Variants in NAV3 observed in about 807,000 individuals in gnomAD.
NAV3 encodes the protein neuron navigator 3.
In NAV3, 87 loss-of-function variants were observed where a neutral mutation model predicts 244.7. The ratio of observed to expected loss-of-function variants is 0.36; its 90% CI spans 0.30 to 0.42. The LOEUF (loss-of-function observed/expected upper bound fraction) is 0.42, where lower values mean the gene tolerates loss of function less well. Ranked by LOEUF, NAV3 falls within the 20% of genes least tolerant of loss-of-function variation. The probability of loss-of-function intolerance (pLI) is 1.00; values close to 1 mark genes in which losing one functional copy is unlikely to be tolerated. For synonymous variants in NAV3, 1,126 were observed against 1,042.2 expected (o/e 1.08, Z -1.55); for missense variants, 2,663 against 2,893.3 (o/e 0.92, Z 1.83).
chr12:77,650,071 C>A (rs184382263), intron 2 of NAV3, among the ~76,000 whole-genome samples: 152 of 152,182 alleles, frequency 1.0e-3, no homozygotes, highest in African/African-American at 3.5e-3. Flanking sequence ...CATGTCATAC[C>A]TTCTATTGCT....
At chr12:78,005,767 T>A (rs1399440983) in intron 7 of NAV3, among the ~76,000 whole-genome samples, 1 of 152,180 alleles carries the variant, frequency 6.6e-6, no homozygotes, top group Non-Finnish European at 1.5e-5. Context: ...CAAATGGGAA[T>A]TAGGAATATG....
At chr12:77,768,758 C>T (rs1345904666) in intron 2 of NAV3, among the ~76,000 whole-genome samples, 3 of 152,204 alleles carry the variant, frequency 2.0e-5, no homozygotes, top group Non-Finnish European at 2.9e-5. Context: ...TCCTGCCCTG[C>T]AATCTCAGAA....
intron 2 of NAV3, among the ~76,000 whole-genome samples, chr12:77,729,034 A>G (rs1006664649): frequency 6.6e-6 from 1 of 152,000 alleles, no homozygotes. Flanking sequence ...TTTTATTTGT[A>G]TTGTAAGAAT....
chr12:78,094,492 G>T (rs1390922148), intron 12 of NAV3, among the ~76,000 whole-genome samples: 1 of 152,156 alleles, frequency 6.6e-6, no homozygotes, highest in Non-Finnish European at 1.5e-5. Context: ...AAATTACTAA[G>T]ATGATTGCAA....
chr12:77,579,753 A>G (rs1191224007), intron 2 of NAV3, among the ~76,000 whole-genome samples: 1 of 152,230 alleles, frequency 6.6e-6, no homozygotes, highest in Non-Finnish European at 1.5e-5. Flanking sequence ...TGATGAAACT[A>G]GCAATGTCTT....
At chr12:77,821,628 C>G (rs1359709923) in intron 2 of NAV3, among the ~76,000 whole-genome samples, 2 of 152,088 alleles carry the variant, frequency 1.3e-5, no homozygotes, top group Non-Finnish European at 2.9e-5. Flanking sequence ...GTGTGCCACT[C>G]TTTTATGTTT....
At chr12:77,649,556 A>T (rs1041423829) in intron 2 of NAV3, among the ~76,000 whole-genome samples, 2 of 152,168 alleles carry the variant, frequency 1.3e-5, no homozygotes, top group African/African-American at 2.4e-5. Context: ...ACATACTAAT[A>T]AGAAGAGTAA....
intron 12 of NAV3, among the ~76,000 whole-genome samples, chr12:78,096,529 G>A (rs1954259647): frequency 6.6e-6 from 1 of 152,140 alleles, no homozygotes; most frequent in Non-Finnish European, 1.5e-5. Flanking sequence ...TGGCTGGGGA[G>A]GCCTCACAAT....
intron 1 of NAV3, among the ~76,000 whole-genome samples, chr12:77,837,589 G>A (rs1318119295): frequency 2.0e-5 from 3 of 152,112 alleles, no homozygotes; most frequent in Non-Finnish European, 2.9e-5. Context: ...ATCTCAATGC[G>A]AGAATGTGGT....
At chr12:77,927,799 A>G (rs1888359183) in intron 1 of NAV3, among the ~76,000 whole-genome samples, 1 of 152,306 alleles carries the variant, frequency 6.6e-6, no homozygotes, top group African/African-American at 2.4e-5. Flanking sequence ...ATCATTAGTC[A>G]GGCCCCATGC....
chr12:78,034,452 G>A (rs1013434360), intron 9 of NAV3, among the ~76,000 whole-genome samples: 3 of 152,188 alleles, frequency 2.0e-5, no homozygotes, highest in African/African-American at 7.2e-5. Flanking sequence ...AGCGAACTGT[G>A]TTTTGATAAG....
chr12:78,062,324 A>AT (rs1884439820), intron 12 of NAV3, among the ~76,000 whole-genome samples: 1 of 152,060 alleles, frequency 6.6e-6, no homozygotes, highest in Non-Finnish European at 1.5e-5. Flanking sequence ...TTTTTATACC[A>AT]TTTTTTTAAA....
intron 1 of NAV3, among the ~76,000 whole-genome samples, chr12:77,834,423 T>C (rs1279468261): frequency 6.6e-6 from 1 of 152,190 alleles, no homozygotes; most frequent in African/African-American, 2.4e-5. Context: ...CAGGGAAACA[T>C]AAATTATCAA....
At chr12:77,662,616 T>C (rs113142221) in intron 2 of NAV3, among the ~76,000 whole-genome samples, 4,361 of 152,158 alleles carry the variant, frequency 0.029, 111 homozygotes, top group African/African-American at 0.071. Flanking sequence ...AGAATGGATT[T>C]TTGCGTAAAT....
In NAV3 at chr12:78,122,341, G is replaced by C. The variant is rs1036670272; in HGVS notation, c.4151G>C (p.Gly1384Ala). ...ESIDLPLSHH[G>A]SLSGLTTGTH... ...ATTGACCTCCCCCTCAGCCATCATG[G>C]CTCCTTGTCTGGACTGACCACAGGC... Residue 1384 changes from glycine to alanine, a missense_variant, in exon 16 of 40, where the codon GGC (glycine) becomes GCC (alanine). Gly to Ala is a moderately conservative substitution (Grantham distance 60). Transcript: ENST00000397909. 5 of 1,613,938 alleles carry C rather than the reference G, an allele frequency of 3.1e-6. 1 individual carries two copies. In the South Asian group the frequency reaches 4.4e-5, roughly 14 times the overall value.
intron 12 of NAV3, among the ~76,000 whole-genome samples, chr12:78,086,565 A>G (rs1309349626): frequency 6.6e-6 from 1 of 152,046 alleles, no homozygotes; most frequent in Non-Finnish European, 1.5e-5. Context: ...TTGTTGGACA[A>G]TGTGGATACT....
rs746356288 is a variant in NAV3, at chr12:78,119,598, A to C, written c.3402A>C (p.Gln1134His). 6.2e-7 allele frequency: 1 copy of C among 1,614,056 alleles called. No homozygotes were observed. Among genetic ancestry groups the C allele is most frequent in the Non-Finnish European group, 8.5e-7 (1 of 1,180,036 alleles). ...VLHVSSKTTL[Q>H]YRSLPRPSKS... is the part of the protein sequence containing the mutation. ...ATGTTAGCTCAAAGACTACCCTACAATATCGCAGCTTGCCCCGCCCTTCAA... is the reference window on the plus strand; with the variant it reads ...ATGTTAGCTCAAAGACTACCCTACACTATCGCAGCTTGCCCCGCCCTTCAA... The change falls in exon 15 of 40, where the codon CAA becomes CAC. Residue 1134 changes from glutamine to histidine, a missense_variant. Gln to His is a conservative substitution (Grantham distance 24). Coordinates refer to ENST00000397909, the MANE Select transcript of NAV3 (RefSeq NM_001024383.2).
chr12:77,809,349 A>G (rs1358737654), intron 2 of NAV3, among the ~76,000 whole-genome samples: 1 of 152,216 alleles, frequency 6.6e-6, no homozygotes, highest in Non-Finnish European at 1.5e-5. Context: ...AGACCATGGG[A>G]AAAGCGTAGT....
At chr12:77,687,690 T>C (rs1013147765) in intron 2 of NAV3, among the ~76,000 whole-genome samples, 2 of 152,100 alleles carry the variant, frequency 1.3e-5, no homozygotes, top group African/African-American at 4.8e-5. Flanking sequence ...GAGAAAAAAC[T>C]GGACTATTAG....
Sources: allele counts gnomAD v4.1 joint callset (sites outside exome capture counted in the v4.1 genomes callset), GRCh38; gene constraint gnomAD v4.1.1; transcripts MANE v1.5; gene names NCBI Gene and HGNC (gene_info 2026-07-23, HGNC 2026-07-21).